TFPI: variants seen among roughly 807,000 people sequenced by gnomAD.
The protein encoded by TFPI is tissue factor pathway inhibitor, also known as anti-convertin.
A neutral mutation model predicts 34.6 loss-of-function variants in TFPI; 15 were observed. The observed-to-expected ratio is 0.43, with a 90% CI of 0.29 to 0.67. The LOEUF (loss-of-function observed/expected upper bound fraction) is 0.67, where lower values mean the gene tolerates loss of function less well. Among genes scored for constraint, TFPI ranks in the 30% least tolerant of loss-of-function variants. TFPI has a pLI of 0.15. For missense variants in TFPI, 301 were observed against 364.0 expected (o/e 0.83, Z 1.41); for synonymous variants, 105 against 120.1 (o/e 0.87, Z 0.82).
chr2:187,528,718 T>G (rs1214862107), intron 1 of TFPI, among the ~76,000 whole-genome samples: 1 of 152,194 alleles, frequency 6.6e-6, no homozygotes, highest in Non-Finnish European at 1.5e-5. Context: ...GAACATTATC[T>G]TATGCTCATT....
At chr2:187,484,011 G>T in intron 6 of TFPI, 113 bp downstream of exon 6, 2 of 821,854 alleles carry the variant, frequency 2.4e-6, no homozygotes, top group South Asian at 1.8e-5. Context: ...ACATTATTAA[G>T]CAACAACGCA....
chr2:187,468,827 A>G (rs2105946751), intron 6 of TFPI, among the ~76,000 whole-genome samples: 1 of 152,232 alleles, frequency 6.6e-6, no homozygotes, highest in Non-Finnish European at 1.5e-5. Flanking sequence ...TTAATAAACC[A>G]GTACTACAGG....
chr2:187,541,582 C>G (rs913163055), intron 1 of TFPI, among the ~76,000 whole-genome samples: 5 of 152,176 alleles, frequency 3.3e-5, no homozygotes, highest in African/African-American at 1.2e-4. Context: ...GAGACAAAAA[C>G]TTGAGAATCA....
rs554753077 is a variant in TFPI at position 187,492,713 on chromosome 2, G to A, written c.319+4168C>T. 2.6e-5 allele frequency among the ~76,000 whole-genome samples: 4 copies of A among 152,246 alleles called. No individual in the cohort carries two copies. The East Asian group carries it at 7.8e-4, about 30-fold the overall frequency. On this transcript the variant is annotated intron_variant, in intron 3 of 7. Transcript: ENST00000233156. ...ATTTTGGACTTCCATGGGGCCTGTA[G>A]ACCCTTTGTTTTGGCCAGTTTCTCC...
intron 1 of TFPI, 120 bp downstream of exon 1, chr2:187,554,080 G>C (rs559845598): frequency 6.6e-6 from 1 of 151,898 alleles, no homozygotes; most frequent in Non-Finnish European, 1.5e-5. Flanking sequence ...TTCATTTTAC[G>C]CAAATAAACA....
chr2:187,501,719 C>G (rs1364935751), intron 2 of TFPI, among the ~76,000 whole-genome samples: 2 of 152,086 alleles, frequency 1.3e-5, no homozygotes, highest in Admixed American at 6.6e-5. Context: ...CTGTCTGATT[C>G]TAAATCCTAC....
chr2:187,539,044 C>T (rs894523087), intron 1 of TFPI, among the ~76,000 whole-genome samples: 4 of 146,318 alleles, frequency 2.7e-5, no homozygotes, highest in African/African-American at 1.0e-4. Context: ...TTCTTATGAG[C>T]ATATGAAAGT....
At chr2:187,541,546 G>A (rs1333874188) in intron 1 of TFPI, among the ~76,000 whole-genome samples, 1 of 152,194 alleles carries the variant, frequency 6.6e-6, no homozygotes, top group African/African-American at 2.4e-5. Flanking sequence ...ATGTAGCTAT[G>A]GAGCTCAGAA....
chr2:187,531,221 G>T (rs1687939544), intron 1 of TFPI, among the ~76,000 whole-genome samples: 1 of 152,138 alleles, frequency 6.6e-6, no homozygotes, highest in African/African-American at 2.4e-5. Flanking sequence ...TACTAGAGAG[G>T]CTGCTGCAGT....
chr2:187,510,729 G>C (rs1211993892), intron 1 of TFPI, among the ~76,000 whole-genome samples: 1 of 152,068 alleles, frequency 6.6e-6, no homozygotes, highest in East Asian at 1.9e-4. Context: ...TCTGATTACT[G>C]GTGCATGCAG....
intron 1 of TFPI, among the ~76,000 whole-genome samples, chr2:187,540,901 A>G (rs868511910): frequency 0.011 from 1,633 of 151,320 alleles, 34 homozygotes; most frequent in African/African-American, 0.037. Context: ...AAAAAAAAAA[A>G]AAAAAAGAAA....
chr2:187,542,633 G>A (rs1421657284), intron 1 of TFPI, among the ~76,000 whole-genome samples: 2 of 152,052 alleles, frequency 1.3e-5, no homozygotes, highest in African/African-American at 4.8e-5. Context: ...CACTTTGGGA[G>A]GCCAAAGTGG....
At chr2:187,508,690 T>G (rs1686402458) in intron 1 of TFPI, among the ~76,000 whole-genome samples, 1 of 152,186 alleles carries the variant, frequency 6.6e-6, no homozygotes, top group Admixed American at 6.5e-5. Flanking sequence ...CTTAAGGAGA[T>G]TTGGGGCTGA....
At chr2:187,494,897 A>G (rs1685366089) in intron 3 of TFPI, among the ~76,000 whole-genome samples, 1 of 151,936 alleles carries the variant, frequency 6.6e-6, no homozygotes, top group Admixed American at 6.6e-5. Context: ...TAATTTTTGT[A>G]TTTTTAGTAG....
Position 187,490,205 on chromosome 2 carries a change from C to T in TFPI, c.320-1830G>A, listed in dbSNP as rs8176494. On this transcript the variant is annotated intron_variant, in intron 3 of 7. Transcript: ENST00000233156. ...TGCCAGATGTAAATAATGATATTTT[C>T]TTCTGGGTGTGCAAGGAGAGTGTTA... Among the ~76,000 whole-genome samples, 1,173 of 151,678 alleles carry T rather than the reference C, an allele frequency of 7.7e-3. 16 individuals carry two copies. Among genetic ancestry groups the T allele is most frequent in the African/African-American group, 0.027 (1,120 of 41,474 alleles).
At chr2:187,525,383 T>A (rs940410095) in intron 1 of TFPI, among the ~76,000 whole-genome samples, 2 of 152,088 alleles carry the variant, frequency 1.3e-5, no homozygotes, top group African/African-American at 4.8e-5. Flanking sequence ...GTTGTCTTCA[T>A]AATTATTCTG....
intron 7 of TFPI, 121 bp downstream of exon 7, chr2:187,467,632 A>C: frequency 2.3e-6 from 2 of 877,576 alleles, no homozygotes; most frequent in Non-Finnish European, 3.2e-6. Flanking sequence ...GAGGACATTT[A>C]TTAGCTAGAT....
At chr2:187,476,704 AAAG>A (rs1185387964) in intron 6 of TFPI, among the ~76,000 whole-genome samples, 1 of 152,198 alleles carries the variant, frequency 6.6e-6, no homozygotes, top group Admixed American at 6.5e-5. Flanking sequence ...CAAATAGAAA[AAAG>A]GTAGAGAATT....
intron 1 of TFPI, chr2:187,514,735 G>A (rs556039604): frequency 6.6e-6 from 1 of 152,304 alleles, no homozygotes; most frequent in East Asian, 1.9e-4. Context: ...TCAACCAGAG[G>A]GAGGAAAAAT....
Sources: gnomAD v4.1 joint callset for allele counts (sites outside exome capture counted in the v4.1 genomes callset) on GRCh38, gnomAD v4.1.1 for gene constraint, MANE v1.5 for transcripts, NCBI Gene and HGNC (gene_info 2026-07-23, HGNC 2026-07-21) for gene names.